ATP13A5: variants seen among roughly 807,000 people sequenced by gnomAD.
ATP13A5 encodes probable cation-transporting ATPase 13A5.
Under a neutral mutation model 150.2 loss-of-function variants are expected in ATP13A5, and 149 were observed. The ratio of observed to expected loss-of-function variants is 0.99; its 90% CI spans 0.87 to 1.14. ATP13A5 has a LOEUF of 1.14. Ranked by LOEUF, ATP13A5 falls within the 50% of genes most tolerant of loss-of-function variation. The pLI is 0.00. For synonymous variants in ATP13A5, 497 were observed against 522.2 expected, an observed-to-expected ratio of 0.95 and a Z score of 0.66; for missense variants, 1,383 against 1,449.3, an observed-to-expected ratio of 0.95 and a Z score of 0.74.
Position 193,282,980 on chromosome 3 carries a change from CTT to C in ATP13A5, c.3226+1932_3226+1933del, listed in dbSNP as rs1354643724. On this transcript the variant is annotated intron_variant, in intron 27 of 29. Transcript: ENST00000342358. ...TGATCTTGCCACTTATTAAATAAAA[CTT>C]ATTATAAAACTATAAGTTTTAAAGT... 3.9e-5 allele frequency among the ~76,000 whole-genome samples: 6 copies of C among 151,988 alleles called. No individual in the cohort carries two copies. The South Asian group carries it at 6.2e-4, about 16-fold the overall frequency.
intron 17 of ATP13A5, among the ~76,000 whole-genome samples, chr3:193,317,041 A>G (rs943121477): frequency 6.6e-5 from 10 of 152,220 alleles, no homozygotes; most frequent in Admixed American, 3.9e-4. Context: ...CTTTGTTTCT[A>G]TTTTATGATG....
chr3:193,276,773 A>G lies in ATP13A5; in HGVS notation c.3373T>C (p.Phe1125Leu). 6.2e-7 allele frequency: 1 copy of G among 1,612,828 alleles called. No homozygotes were observed. Reference sequence around the variant, plus strand: ...ACCTCTACAAAGAAAGCCACACAGAATTGGGTGAGGGCTACCACCAAAATT... The same window carrying G: ...ACCTCTACAAAGAAAGCCACACAGAGTTGGGTGAGGGCTACCACCAAAATT... Reference protein sequence around the residue: ...VLILVVALTQFCVAFFVEDSI... With the variant: ...VLILVVALTQLCVAFFVEDSI... Residue 1125 changes from phenylalanine to leucine, a missense_variant, in exon 29 of 30, where the codon TTC becomes CTC. This residue lies in a region of ATP13A5 where 568 missense variants were observed against 621.5 expected (regional missense o/e 0.91). Coordinates refer to ENST00000342358, the MANE Select transcript of ATP13A5 (RefSeq NM_198505.4).
At position 193,284,582 on chromosome 3, in the gene ATP13A5, T is replaced by A. The variant is rs190746478; in HGVS notation, c.3226+332A>T. ...ATGGTTAAAGTAACTTGCCCAATGT[T>A]ATAAGGCTAAAGAGGTTAATTTGCA... On this transcript the variant is annotated intron_variant, in intron 27 of 29. Coordinates refer to ENST00000342358, the MANE Select transcript of ATP13A5 (RefSeq NM_198505.4). Among the ~76,000 whole-genome samples, 52 of 152,342 alleles carry A rather than the reference T, an allele frequency of 3.4e-4. 1 individual carries two copies. Among genetic ancestry groups the A allele is most frequent in the Admixed American group, 2.7e-3 (42 of 15,296 alleles).
At chr3:193,336,380 C>T (rs1711862375) in intron 9 of ATP13A5, among the ~76,000 whole-genome samples, 1 of 152,148 alleles carries the variant, frequency 6.6e-6, no homozygotes, top group Non-Finnish European at 1.5e-5. Context: ...AATGCTATCC[C>T]TCCCCACTCC....
intron 25 of ATP13A5, among the ~76,000 whole-genome samples, chr3:193,292,847 G>C (rs1366205668): frequency 6.6e-6 from 1 of 152,078 alleles, no homozygotes; most frequent in East Asian, 1.9e-4. Flanking sequence ...AATGCATACA[G>C]GGTTCTTATG....
chr3:193,363,479 AAACAAGC>A, intron 2 of ATP13A5, 97 bp from the exon 3 acceptor site: 1 of 1,098,788 alleles, frequency 9.1e-7, no homozygotes, highest in Non-Finnish European at 1.3e-6. Context: ...ACTTTGACCC[AAACAAGC>A]GCATCAGCTT....
At chr3:193,298,182 GT>G in intron 25 of ATP13A5, among the ~76,000 whole-genome samples, 1 of 151,718 alleles carries the variant, frequency 6.6e-6, no homozygotes, top group East Asian at 1.9e-4. Context: ...ACCTCTTGGT[GT>G]TTTTTTTCTC....
At chr3:193,372,467 G>C (rs1186962079) in intron 1 of ATP13A5, among the ~76,000 whole-genome samples, 3 of 151,982 alleles carry the variant, frequency 2.0e-5, no homozygotes, top group Non-Finnish European at 4.4e-5. Context: ...TCTTACTTAC[G>C]ATATGCAGAT....
In ATP13A5 at chr3:193,331,270, G is replaced by A; in HGVS notation, c.1314C>T (p.Leu438=). 6.2e-7 allele frequency: 1 copy of A among 1,614,012 alleles called. No homozygotes were observed. Among genetic ancestry groups the A allele is most frequent in the Non-Finnish European group, 8.5e-7 (1 of 1,179,948 alleles). The part of the protein sequence containing the change: ...KDTVTMALIL[L]TVTVPPVLPA... Reference sequence around the variant, plus strand: ...GCAGCACTGGAGGGACAGTCACGGTGAGGAGGATCAGGGCCATGGTCACAG... The same window carrying A: ...GCAGCACTGGAGGGACAGTCACGGTAAGGAGGATCAGGGCCATGGTCACAG... Residue 438 remains leucine, a synonymous_variant, in exon 12 of 30, where the codon CTC becomes CTT. Transcript: ENST00000342358.
intron 15 of ATP13A5, among the ~76,000 whole-genome samples, chr3:193,322,171 C>T (rs1411392542): frequency 6.6e-6 from 1 of 152,164 alleles, no homozygotes; most frequent in Admixed American, 6.5e-5. Context: ...TTGATTATAG[C>T]ATTTGGCACA....
At chr3:193,373,737 G>A (rs1465381038) in intron 1 of ATP13A5, among the ~76,000 whole-genome samples, 1 of 152,188 alleles carries the variant, frequency 6.6e-6, no homozygotes, top group African/African-American at 2.4e-5. Flanking sequence ...TAGGTAAAGA[G>A]TCAAGGCCAA....
intron 16 of ATP13A5, among the ~76,000 whole-genome samples, chr3:193,321,307 T>C (rs191020698): frequency 1.3e-5 from 2 of 152,272 alleles, no homozygotes; most frequent in East Asian, 1.9e-4. Context: ...GTTCATTGAT[T>C]GTGAAGCTTT....
chr3:193,298,439 T>G (rs1440963766), intron 25 of ATP13A5, among the ~76,000 whole-genome samples: 1 of 152,128 alleles, frequency 6.6e-6, no homozygotes, highest in Non-Finnish European at 1.5e-5. Flanking sequence ...TTTTATGTAC[T>G]AAGGTGCTAC....
intron 13 of ATP13A5, among the ~76,000 whole-genome samples, chr3:193,326,300 AG>A (rs1269523569): frequency 7.9e-5 from 12 of 152,112 alleles, no homozygotes; most frequent in African/African-American, 2.9e-4. Flanking sequence ...TTCACCCTCC[AG>A]GGGCCCTCTT....
chr3:193,351,341 C>G, intron 6 of ATP13A5, 140 bp from the exon 7 acceptor site: 1 of 1,034,168 alleles, frequency 9.7e-7, no homozygotes, highest in Non-Finnish European at 1.4e-6. Context: ...ACTTAGATCT[C>G]TATTGATTTG....
At chr3:193,289,770 C>G in intron 26 of ATP13A5, 115 bp downstream of exon 26, 1 of 1,012,694 alleles carries the variant, frequency 9.9e-7, no homozygotes, top group Non-Finnish European at 1.4e-6. Context: ...AGTTTTGCAG[C>G]GACACAATTT....
At chr3:193,359,741 C>T (rs1174293966) in intron 5 of ATP13A5, among the ~76,000 whole-genome samples, 1 of 151,980 alleles carries the variant, frequency 6.6e-6, no homozygotes, top group African/African-American at 2.4e-5. Context: ...TTTTTTCTTC[C>T]TGAGAGCTAG....
At chr3:193,336,834 C>T (rs1347731619) in intron 9 of ATP13A5, among the ~76,000 whole-genome samples, 3 of 152,184 alleles carry the variant, frequency 2.0e-5, no homozygotes, top group Non-Finnish European at 2.9e-5. Context: ...AATGGTTGAA[C>T]TAGTTTACAG....
Position 193,275,177 on chromosome 3 carries a change from G to A in ATP13A5, c.3522C>T (p.Asn1174=). 6.2e-7 allele frequency: 1 copy of A among 1,614,128 alleles called. No homozygotes were observed. The highest frequency in any genetic ancestry group is 8.5e-7 in the Non-Finnish European group (1 of 1,180,034). The change falls in exon 30 of 30, where the codon AAC becomes AAT. Residue 1174 remains asparagine, a synonymous_variant. Coordinates refer to ENST00000342358, the MANE Select transcript of ATP13A5 (RefSeq NM_198505.4). ...LAEDSTWPPI[N]RTDYSGDGKN... ...TGCCATCACCTGAATAATCTGTCCT[G>A]TTTATGGGAGGCCAGGTTGAGTCTT...
Sources: gnomAD v4.1 joint callset for allele counts (sites outside exome capture counted in the v4.1 genomes callset) on GRCh38, gnomAD v4.1.1 for gene constraint, gnomAD v4.1.1 regional missense constraint, MANE v1.5 for transcripts, NCBI Gene and HGNC (gene_info 2026-07-23, HGNC 2026-07-21) for gene names.